Variants in CADM2 observed in about 807,000 individuals in gnomAD.
The protein encoded by CADM2 is immunoglobulin superfamily member 4D.
Under a neutral mutation model 49.8 loss-of-function variants are expected in CADM2, and 12 were observed. The observed-to-expected ratio is 0.24, with a 90% CI of 0.15 to 0.39. CADM2 has a LOEUF of 0.39. CADM2 is among the 10% of genes least tolerant of loss of function. The probability of loss-of-function intolerance (pLI) is 1.00; values close to 1 mark genes in which losing one functional copy is unlikely to be tolerated. For missense variants in CADM2, 378 were observed against 492.3 expected, an observed-to-expected ratio of 0.77 and a Z score of 2.20; for synonymous variants, 214 against 175.4, an observed-to-expected ratio of 1.22 and a Z score of -1.74.
intron 1 of CADM2, among the ~76,000 whole-genome samples, chr3:85,271,842 A>T (rs1433479189): frequency 6.6e-6 from 1 of 151,320 alleles, no homozygotes; most frequent in African/African-American, 2.4e-5. Context: ...CCCATAATAG[A>T]TGTTTTATTA....
chr3:85,356,999 A>G (rs550069938), intron 1 of CADM2, among the ~76,000 whole-genome samples: 48 of 152,250 alleles, frequency 3.2e-4, no homozygotes, highest in African/African-American at 1.1e-3. Flanking sequence ...CAGTTATTCT[A>G]TGATTAACAA....
chr3:85,961,729 A>G, intron 8 of CADM2, 82 bp downstream of exon 8: 2 of 951,974 alleles, frequency 2.1e-6, no homozygotes, highest in Non-Finnish European at 2.9e-6. Flanking sequence ...TTTTAAGTGC[A>G]GTGAACAAAA....
At chr3:85,518,256 G>A (rs553199592) in intron 1 of CADM2, among the ~76,000 whole-genome samples, 1 of 152,268 alleles carries the variant, frequency 6.6e-6, no homozygotes, top group East Asian at 1.9e-4. Flanking sequence ...CTCCCAAAGT[G>A]CTCGGATTAC....
At chr3:85,715,165 T>C (rs2067246216) in intron 1 of CADM2, among the ~76,000 whole-genome samples, 2 of 152,214 alleles carry the variant, frequency 1.3e-5, no homozygotes, top group Admixed American at 1.3e-4. Flanking sequence ...CATAATTTTT[T>C]ACATGTCACC....
intron 7 of CADM2, among the ~76,000 whole-genome samples, chr3:85,959,354 G>A (rs1424322992): frequency 2.0e-5 from 3 of 151,712 alleles, no homozygotes; most frequent in Non-Finnish European, 2.9e-5. Context: ...GGCTTCATTA[G>A]GTAGGCATAA....
chr3:85,568,961 C>G (rs147840065), intron 1 of CADM2, among the ~76,000 whole-genome samples: 17 of 152,084 alleles, frequency 1.1e-4, no homozygotes, highest in Admixed American at 7.9e-4. Context: ...TTTAATCAAA[C>G]GTCTCAATTT....
chr3:85,557,490 G>GA (rs2061990238), intron 1 of CADM2, among the ~76,000 whole-genome samples: 2 of 150,692 alleles, frequency 1.3e-5, no homozygotes, highest in Non-Finnish European at 3.0e-5. Flanking sequence ...AGTTTTTTTG[G>GA]AAAAACCAAA....
chr3:85,598,568 A>T (rs1355603845), intron 1 of CADM2, among the ~76,000 whole-genome samples: 2 of 151,994 alleles, frequency 1.3e-5, no homozygotes, highest in Non-Finnish European at 2.9e-5. Context: ...ACAGGAAGGT[A>T]CAGAGAAAAC....
chr3:85,728,294 C>A (rs1344977723), intron 2 of CADM2, among the ~76,000 whole-genome samples: 2 of 152,112 alleles, frequency 1.3e-5, no homozygotes, highest in East Asian at 3.9e-4. Flanking sequence ...TTTTATTTGA[C>A]TCTCCTCTTT....
chr3:85,295,577 G>A (rs918339759), intron 1 of CADM2, among the ~76,000 whole-genome samples: 2 of 152,074 alleles, frequency 1.3e-5, no homozygotes, highest in African/African-American at 4.8e-5. Context: ...TTAAGAAAAT[G>A]TGGCACATAT....
At chr3:85,262,041 A>G (rs1032684678) in intron 1 of CADM2, among the ~76,000 whole-genome samples, 1 of 152,094 alleles carries the variant, frequency 6.6e-6, no homozygotes, top group Non-Finnish European at 1.5e-5. Context: ...CCTTTTCTCC[A>G]TTTACATCTT....
At chr3:85,453,171 C>T (rs1390753080) in intron 1 of CADM2, among the ~76,000 whole-genome samples, 1 of 151,824 alleles carries the variant, frequency 6.6e-6, no homozygotes, top group African/African-American at 2.4e-5. Context: ...CTATTTCATT[C>T]CATTTTATTT....
chr3:86,062,637 G>A (rs904569409), intron 8 of CADM2, among the ~76,000 whole-genome samples: 2 of 146,710 alleles, frequency 1.4e-5, no homozygotes, highest in African/African-American at 2.6e-5. Context: ...AAAATTAGCC[G>A]AGGCTAATTA....
At chr3:85,772,117 GT>G (rs2070127548) in intron 2 of CADM2, among the ~76,000 whole-genome samples, 1 of 148,640 alleles carries the variant, frequency 6.7e-6, no homozygotes, top group African/African-American at 2.5e-5. Context: ...AGAAAATAAA[GT>G]TGAGGTTAGC....
chr3:85,663,662 C>A (rs1355540963), intron 1 of CADM2, among the ~76,000 whole-genome samples: 1 of 152,052 alleles, frequency 6.6e-6, no homozygotes, highest in Non-Finnish European at 1.5e-5. Flanking sequence ...CTAGCAATGG[C>A]TCCTTCTTTT....
intron 1 of CADM2, among the ~76,000 whole-genome samples, chr3:85,020,313 A>C (rs1399190147): frequency 1.3e-5 from 2 of 152,170 alleles, no homozygotes; most frequent in African/African-American, 4.8e-5. Context: ...CATTTGCTTT[A>C]GGATTAGATA....
chr3:85,008,466 A>T (rs1459239818), intron 1 of CADM2, among the ~76,000 whole-genome samples: 2 of 152,088 alleles, frequency 1.3e-5, no homozygotes, highest in African/African-American at 4.8e-5. Flanking sequence ...GTTAAACCAT[A>T]AACCATGGCT....
intron 1 of CADM2, among the ~76,000 whole-genome samples, chr3:85,693,911 A>G (rs2066469797): frequency 6.6e-6 from 1 of 151,222 alleles, no homozygotes; most frequent in Admixed American, 6.6e-5. Context: ...AAAAAAAGAA[A>G]AAAGAAAAAA....
At chr3:85,237,739 A>G (rs1345630242) in intron 1 of CADM2, among the ~76,000 whole-genome samples, 1 of 151,778 alleles carries the variant, frequency 6.6e-6, no homozygotes, top group Non-Finnish European at 1.5e-5. Context: ...GTATCAAGGC[A>G]TCAAGTTTTA....
Sources: gnomAD v4.1 joint callset for allele counts (sites outside exome capture counted in the v4.1 genomes callset) on GRCh38, gnomAD v4.1.1 for gene constraint, MANE v1.5 for transcripts, NCBI Gene and HGNC (gene_info 2026-07-23, HGNC 2026-07-21) for gene names.